The following ROCK2 variants were observed in gnomAD, a reference collection of about 807,000 sequenced individuals.
The protein encoded by ROCK2 is rho-associated protein kinase 2.
Under a neutral mutation model 195.1 loss-of-function variants are expected in ROCK2, and 61 were observed. The ratio of observed to expected loss-of-function variants is 0.31; its 90% CI spans 0.25 to 0.39. The LOEUF (loss-of-function observed/expected upper bound fraction) is 0.39. Among genes scored for constraint, ROCK2 ranks in the 10% least tolerant of loss-of-function variants. The pLI is 1.00. For missense variants in ROCK2, 1,109 were observed against 1,637.4 expected, an observed-to-expected ratio of 0.68 and a Z score of 5.57; for synonymous variants, 504 against 545.5, an observed-to-expected ratio of 0.92 and a Z score of 1.06.
intron 3 of ROCK2, among the ~76,000 whole-genome samples, chr2:11,259,319 A>G (rs577465694): frequency 2.0e-5 from 3 of 151,426 alleles, no homozygotes; most frequent in Non-Finnish European, 4.4e-5. Flanking sequence ...GTATCTTTGC[A>G]TTAACTATAC....
chr2:11,238,185 A>G (rs1665282408), intron 4 of ROCK2, among the ~76,000 whole-genome samples: 1 of 130,748 alleles, frequency 7.6e-6, no homozygotes, highest in African/African-American at 3.6e-5. Context: ...AAGCATGATA[A>G]GGCTGGTTAC....
In ROCK2 at chr2:11,200,939, A is replaced by C; in HGVS notation, c.2910+18T>G. On this transcript the variant is annotated intron_variant, in intron 23 of 32. Coordinates refer to ENST00000315872, the MANE Select transcript of ROCK2 (RefSeq NM_004850.5). ...CAATTTAACTATAATCCAAAAAAGC[A>C]CCAAGAATTTGACTTACAGAAGCAA... The C allele has an allele frequency of 6.3e-7, 1 of 1,576,086 alleles. No homozygotes were observed. Among genetic ancestry groups the C allele is most frequent in the South Asian group, 1.2e-5 (1 of 82,680 alleles).
chr2:11,325,594 G>A (rs59194382), intron 1 of ROCK2, among the ~76,000 whole-genome samples: 3,430 of 152,254 alleles, frequency 0.023, 61 homozygotes, highest in East Asian at 0.053. Flanking sequence ...AGGGACAAGC[G>A]ATAGGTTAGA....
intron 18 of ROCK2, among the ~76,000 whole-genome samples, 154 bp from the exon 19 acceptor site, chr2:11,208,601 CTT>C (rs34964630): frequency 7.1e-5 from 10 of 140,188 alleles, no homozygotes; most frequent in African/African-American, 7.8e-5. Flanking sequence ...TTTTTCTTTT[CTT>C]TTTTTTTTTT....
chr2:11,343,409 T>C (rs371360475), intron 1 of ROCK2, among the ~76,000 whole-genome samples: 2 of 152,326 alleles, frequency 1.3e-5, no homozygotes, highest in South Asian at 2.1e-4. Flanking sequence ...TTTTTGGCTC[T>C]GGCGCAATAA....
upstream of ROCK2, among the ~76,000 whole-genome samples, chr2:11,345,030 GC>G: frequency 6.6e-6 from 1 of 150,996 alleles, no homozygotes; most frequent in Middle Eastern, 3.5e-3. Context: ...GCCCGGCCGC[GC>G]CCCCCGCCGC....
intron 7 of ROCK2, among the ~76,000 whole-genome samples, chr2:11,222,659 T>C (rs1489905982): frequency 6.6e-6 from 1 of 152,132 alleles, no homozygotes; most frequent in Non-Finnish European, 1.5e-5. Flanking sequence ...TATCTCTACA[T>C]GTATATTAAA....
At chr2:11,208,596 CTTTTCTTTTTTTT>C (rs1191086879) in intron 18 of ROCK2, 149 bp from the exon 19 acceptor site, 1 of 388,152 alleles carries the variant, frequency 2.6e-6, no homozygotes, top group East Asian at 3.9e-5. Flanking sequence ...TTCTTTTTTT[CTTTTCTTTTTTTT>C]TTTTTTGAGA....
chr2:11,325,330 C>A (rs1668515297), intron 1 of ROCK2, among the ~76,000 whole-genome samples: 1 of 152,170 alleles, frequency 6.6e-6, no homozygotes, highest in Admixed American at 6.5e-5. Context: ...GGAACCAATC[C>A]CCCTTGGATA....
chr2:11,308,453 C>T (rs1667932370), intron 1 of ROCK2: 2 of 1,606,524 alleles, frequency 1.2e-6, no homozygotes, highest in South Asian at 2.2e-5. Context: ...AGCAGGGTCT[C>T]CTGATTCTTT....
chr2:11,206,796 A>ATCCT (rs1178861670), intron 20 of ROCK2, among the ~76,000 whole-genome samples: 4 of 152,228 alleles, frequency 2.6e-5, no homozygotes, highest in Non-Finnish European at 5.9e-5. Flanking sequence ...AACCATTGCT[A>ATCCT]TCCTTTACAA....
At chr2:11,307,704 T>C (rs1341640326) in intron 1 of ROCK2, among the ~76,000 whole-genome samples, 1 of 152,202 alleles carries the variant, frequency 6.6e-6, no homozygotes, top group Non-Finnish European at 1.5e-5. Flanking sequence ...AAAGACTGTA[T>C]ATAGTCAGCC....
At chr2:11,324,583 T>C (rs1385891464) in intron 1 of ROCK2, among the ~76,000 whole-genome samples, 2 of 152,214 alleles carry the variant, frequency 1.3e-5, no homozygotes, top group East Asian at 1.9e-4. Flanking sequence ...GACAATGGAA[T>C]ATTATTCAGC....
chr2:11,314,080 C>T (rs1419002053), intron 1 of ROCK2, among the ~76,000 whole-genome samples: 1 of 151,562 alleles, frequency 6.6e-6, no homozygotes, highest in Non-Finnish European at 1.5e-5. Context: ...TTTATCCAAG[C>T]AATGGAATAT....
chr2:11,184,722 ACAT>A (rs1182001577), intron 32 of ROCK2: 1 of 983,994 alleles, frequency 1.0e-6, no homozygotes, highest in African/African-American at 1.7e-5. Flanking sequence ...ACCACCATCA[ACAT>A]CATCAAATGA....
At chr2:11,186,225 A>G (rs761558453) in intron 32 of ROCK2, among the ~76,000 whole-genome samples, 3 of 152,198 alleles carry the variant, frequency 2.0e-5, no homozygotes, top group Non-Finnish European at 4.4e-5. Flanking sequence ...TCACTTCTCT[A>G]GACTTATATA....
chr2:11,231,405 A>C (rs1665005161), intron 5 of ROCK2, among the ~76,000 whole-genome samples: 4 of 152,046 alleles, frequency 2.6e-5, no homozygotes, highest in Admixed American at 2.6e-4. Flanking sequence ...ATGGGGTTTC[A>C]CCATACTAGC....
At chr2:11,237,241 CA>C (rs907691885) in intron 4 of ROCK2, among the ~76,000 whole-genome samples, 1 of 151,706 alleles carries the variant, frequency 6.6e-6, no homozygotes, top group Non-Finnish European at 1.5e-5. Flanking sequence ...ATATGAGGAC[CA>C]AAAAAACCCT....
chr2:11,243,849 C>G (rs1248123182), intron 4 of ROCK2, among the ~76,000 whole-genome samples: 2 of 152,140 alleles, frequency 1.3e-5, no homozygotes, highest in Admixed American at 6.5e-5. Flanking sequence ...TGTATCAATA[C>G]TGGTTCATTC....
Sources: gnomAD v4.1 joint callset for allele counts (sites outside exome capture counted in the v4.1 genomes callset) on GRCh38, gnomAD v4.1.1 for gene constraint, MANE v1.5 for transcripts, NCBI Gene and HGNC (gene_info 2026-07-23, HGNC 2026-07-21) for gene names.